The following TSC2 variants were observed in gnomAD, a reference collection of about 807,000 sequenced individuals.
TSC2 encodes tuberin.
TSC2 carries 29 observed loss-of-function variants against 202.2 expected under a neutral mutation model. That is an observed-to-expected ratio of 0.14 (90% confidence interval 0.11 to 0.20). The LOEUF is 0.20. Ranked by LOEUF, TSC2 falls within the 10% of genes least tolerant of loss-of-function variation. The pLI, the probability that TSC2 is intolerant of heterozygous loss-of-function variation, is 1.00. For synonymous variants in TSC2, 1,349 were observed against 1,044.0 expected (o/e 1.29, Z -5.63); for missense variants, 2,429 against 2,420.0 (o/e 1.00, Z -0.08).
chr16:2,073,205 T>C (rs2088751388), intron 21 of TSC2, among the ~76,000 whole-genome samples: 1 of 152,234 alleles, frequency 6.6e-6, no homozygotes, highest in Non-Finnish European at 1.5e-5. Flanking sequence ...CAGTGTTCCC[T>C]GTCCACCCCG....
chr16:2,077,660 A>G lies in TSC2; in HGVS notation c.2900A>G (p.Lys967Arg). 1 of 1,613,116 alleles carries G rather than the reference A, an allele frequency of 6.2e-7. No homozygotes were observed. The highest frequency in any genetic ancestry group is 8.5e-7 in the Non-Finnish European group (1 of 1,180,014). The change falls in exon 26 of 42, where the codon AAG becomes AGG. Residue 967 changes from lysine (K) to arginine (R), a missense_variant. Transcript: ENST00000219476. ...LNNSPPVKEF[K>R]ESSAAEAFRC... ...AACTCTCCACCCGTGAAAGAATTCAAGGAGAGCTCTGCAGCCGAGGCCTTC... is the reference window on the plus strand; with the variant it reads ...AACTCTCCACCCGTGAAAGAATTCAGGGAGAGCTCTGCAGCCGAGGCCTTC...
intron 25 of TSC2, 75 bp downstream of exon 25, chr16:2,076,660 G>C (rs895496474): frequency 2.0e-6 from 3 of 1,499,304 alleles, no homozygotes; most frequent in Non-Finnish European, 2.8e-6. Context: ...GCCTGACGGT[G>C]CCTCCAAGTC....
chr16:2,048,995 T>C (rs999313063), intron 2 of TSC2, among the ~76,000 whole-genome samples: 2 of 152,226 alleles, frequency 1.3e-5, no homozygotes, highest in African/African-American at 4.8e-5. Context: ...GCCCATCTTA[T>C]AGATGAGGCC....
At chr16:2,069,974 A>G (rs975473666) in intron 16 of TSC2, among the ~76,000 whole-genome samples, 5 of 152,218 alleles carry the variant, frequency 3.3e-5, no homozygotes, top group Non-Finnish European at 5.9e-5. Flanking sequence ...CTTTAAAAGA[A>G]TAACAGTGTA....
Position 2,088,823 on chromosome 16 carries a change from C to A in TSC2, c.*213C>A, listed in dbSNP as rs2091258797. On this transcript the variant is annotated 3_prime_UTR_variant, in exon 42 of 42. Coordinates refer to ENST00000219476, the MANE Select transcript of TSC2 (RefSeq NM_000548.5). Reference sequence around the variant, plus strand: ...AGTGGTACACAGAAGCAGGCACAGCCAGCTCCGAGGGCCTTGAGGCTGCCT... The same window carrying A: ...AGTGGTACACAGAAGCAGGCACAGCAAGCTCCGAGGGCCTTGAGGCTGCCT... 1.5e-6 allele frequency: 1 copy of A among 660,994 alleles called. No individual in the cohort carries two copies. Among genetic ancestry groups the A allele is most frequent in the Non-Finnish European group, 2.5e-6 (1 of 395,930 alleles). The allele number at this position is 660,994 out of a possible 1,614,324, so 40.9% of individuals were successfully genotyped here.
At chr16:2,087,075 A>G (rs2090906218) in intron 38 of TSC2, 3 of 738,726 alleles carry the variant, frequency 4.1e-6, no homozygotes, top group Non-Finnish European at 6.6e-6. Context: ...CCTGCTGCTG[A>G]GTGTCTGTCA....
At position 2,055,590 on chromosome 16, in the gene TSC2, C is replaced by T. The variant is rs2085690090; in HGVS notation, c.599+71C>T. ...AGCTCCGCAGTGAATAAAGTTGAAA[C>T]CACCAAAAAAATAGAGGTTGGGCTG... On this transcript the variant is annotated intron_variant, in intron 6 of 41. Coordinates refer to ENST00000219476, the MANE Select transcript of TSC2 (RefSeq NM_000548.5). The T allele has an allele frequency of 9.0e-6, 13 of 1,451,914 alleles. No homozygotes were observed. In the South Asian group the frequency reaches 1.5e-4, roughly 17 times the overall value. 89.9% of individuals were successfully genotyped at this position (1,451,914 alleles called of 1,614,324 possible).
chr16:2,087,827 T>C (rs1567127701), intron 38 of TSC2, 36 bp from the exon 39 acceptor site: 2 of 1,607,176 alleles, frequency 1.2e-6, no homozygotes, highest in Non-Finnish European at 1.7e-6. Context: ...CAGCACACGC[T>C]GTGTGCGGGG....
At chr16:2,052,679 G>A (rs757868181) in intron 3 of TSC2, among the ~76,000 whole-genome samples, 12 of 152,198 alleles carry the variant, frequency 7.9e-5, no homozygotes, top group African/African-American at 1.9e-4. Flanking sequence ...TCTGAAAGCC[G>A]TGGCTGTTGG....
At chr16:2,052,247 G>A (rs2085224036) in intron 3 of TSC2, among the ~76,000 whole-genome samples, 1 of 146,938 alleles carries the variant, frequency 6.8e-6, no homozygotes, top group Non-Finnish European at 1.5e-5. Context: ...AAGGAGGTGA[G>A]AGTGCCAGTT....
chr16:2,054,625 A>G, intron 5 of TSC2, 185 bp downstream of exon 5: 2 of 826,576 alleles, frequency 2.4e-6, no homozygotes, highest in Non-Finnish European at 3.9e-6. Context: ...ACGTGTTAAA[A>G]ATGCAGAGTC....
At chr16:2,070,376 C>T (rs1342171877) in intron 16 of TSC2, 80 bp from the exon 17 acceptor site, 3 of 1,611,524 alleles carry the variant, frequency 1.9e-6, no homozygotes, top group African/African-American at 1.3e-5. Flanking sequence ...CGCCCCGGCC[C>T]CTGCTCCGGG....
At chr16:2,054,519 G>A (rs1406923052) in intron 5 of TSC2, 79 bp downstream of exon 5, 2 of 1,601,896 alleles carry the variant, frequency 1.2e-6, no homozygotes. Context: ...CTGGGGCTGG[G>A]GAGGGGCTGC....
At position 2,056,656 on chromosome 16, in the gene TSC2, G is replaced by T; in HGVS notation, c.661G>T (p.Val221Leu). 6.2e-7 allele frequency: 1 copy of T among 1,611,416 alleles called. No homozygotes were observed. The highest frequency in any genetic ancestry group is 8.5e-7 in the Non-Finnish European group (1 of 1,180,016). The change falls in exon 8 of 42, where the codon GTG becomes TTG. Residue 221 changes from valine to leucine, a missense_variant. Transcript: ENST00000219476. ...CCCTCTCCACCAGGTCTCCCTGCAG[G>T]TGCTGGACGCCGTGGTCTGCTACAA... ...SSVDIEVSLQ[V>L]LDAVVCYNCL...
rs780558633 is a variant in TSC2 at position 2,076,137 on chromosome 16, C to T, written c.2709C>T (p.Pro903=). 2 of 1,613,886 alleles carry T rather than the reference C, an allele frequency of 1.2e-6. No homozygotes were observed. Among genetic ancestry groups the T allele is most frequent in the South Asian group, 2.2e-5 (2 of 91,076 alleles). ...TGTGGTTCATCAGGTGCCGCCTGCCCTTCCGGAAGGATTTTGTCCCTTTCA... is the reference window on the plus strand; with the variant it reads ...TGTGGTTCATCAGGTGCCGCCTGCCTTTCCGGAAGGATTTTGTCCCTTTCA... ...IAMWFIRCRL[P]FRKDFVPFIT... is the part of the protein sequence containing the mutation. Residue 903 remains proline (P), a synonymous_variant, in exon 24 of 42, where the codon CCC becomes CCT. Transcript: ENST00000219476.
At chr16:2,067,711 A>G (rs2087592982) in intron 16 of TSC2, among the ~76,000 whole-genome samples, 1 of 152,226 alleles carries the variant, frequency 6.6e-6, no homozygotes, top group Admixed American at 6.5e-5. Flanking sequence ...CAGAGGGTAC[A>G]GTAAGCCCAG....
At chr16:2,081,900 T>TGG in intron 31 of TSC2, 102 bp downstream of exon 31, 1 of 1,476,084 alleles carries the variant, frequency 6.8e-7, no homozygotes. Flanking sequence ...CCCACACGGC[T>TGG]GGGAGTGGTC....
In TSC2 at chr16:2,072,249, C is replaced by T. The variant is rs1396298404; in HGVS notation, c.2106C>T (p.Asp702=). The part of the protein sequence containing the change: ...VLLQCLKQES[D]WKVLKLVLGR... ...GCCTCCTCTCCTCGCAGGAGTCTGA[C>T]TGGAAGGTGCTGAAGCTGGTTCTGG... is the stretch of plus-strand genomic sequence containing the variant. The change falls in exon 20 of 42, where the codon GAC becomes GAT. Residue 702 remains aspartate (D), a synonymous_variant. Coordinates refer to ENST00000219476, the MANE Select transcript of TSC2 (RefSeq NM_000548.5). The T allele has an allele frequency of 1.2e-6, 2 of 1,614,096 alleles. No homozygotes were observed. Among genetic ancestry groups the T allele is most frequent in the East Asian group, 2.2e-5 (1 of 44,884 alleles).
At chr16:2,070,343 T>C (rs2088085935) in intron 16 of TSC2, 113 bp from the exon 17 acceptor site, 1 of 1,581,936 alleles carries the variant, frequency 6.3e-7, no homozygotes, top group Non-Finnish European at 8.6e-7. Context: ...TCGTGTGTTT[T>C]GAAGCACGCA....
Sources: gnomAD v4.1 joint callset for allele counts (sites outside exome capture counted in the v4.1 genomes callset) on GRCh38, gnomAD v4.1.1 for gene constraint, MANE v1.5 for transcripts, NCBI Gene and HGNC (gene_info 2026-07-23, HGNC 2026-07-21) for gene names.